LMF1: variants seen among roughly 807,000 people sequenced by gnomAD.
LMF1 encodes the protein transmembrane protein 112.
A neutral mutation model predicts 60.6 loss-of-function variants in LMF1; 68 were observed. That is an observed-to-expected ratio of 1.12 (90% CI 0.92 to 1.37). The LOEUF is 1.37. Among genes scored for constraint, LMF1 ranks in the 40% most tolerant of loss-of-function variants. The pLI is 0.00. For missense variants in LMF1, 948 were observed against 767.2 expected (o/e 1.24, Z -2.78); for synonymous variants, 418 against 324.7 (o/e 1.29, Z -3.09).
intron 6 of LMF1, 67 bp from the exon 7 acceptor site, chr16:871,408 C>T: frequency 6.5e-7 from 1 of 1,528,088 alleles, no homozygotes; most frequent in South Asian, 1.2e-5. Context: ...GCTGGCGCCT[C>T]TCTTCCTGGA....
intron 10 of LMF1, among the ~76,000 whole-genome samples, chr16:862,088 A>C (rs2151689449): frequency 6.6e-6 from 1 of 152,200 alleles, no homozygotes; most frequent in South Asian, 2.1e-4. Context: ...CTGATTCTCA[A>C]ATACGGAACC....
At chr16:915,027 G>A (rs1039462916) in intron 3 of LMF1, among the ~76,000 whole-genome samples, 27 of 152,376 alleles carry the variant, frequency 1.8e-4, no homozygotes, top group African/African-American at 6.5e-4. Flanking sequence ...GGCCCAGGAG[G>A]GGCATCCCCC....
chr16:884,045 T>TATTG (rs1422390469), intron 5 of LMF1: 4 of 152,264 alleles, frequency 2.6e-5, no homozygotes, highest in African/African-American at 9.6e-5. Context: ...TTTGAAGCTC[T>TATTG]ATTATCAGGC....
chr16:927,963 G>A (rs1465359476), intron 3 of LMF1, among the ~76,000 whole-genome samples: 1 of 152,176 alleles, frequency 6.6e-6, no homozygotes, highest in East Asian at 1.9e-4. Context: ...GAGAGGTGGG[G>A]AAGTTTCCCG....
In LMF1 at chr16:962,402, G is replaced by A. The variant is rs1283486413; in HGVS notation, c.194-7736C>T. 1.3e-5 allele frequency among the ~76,000 whole-genome samples: 2 copies of A among 152,228 alleles called. No homozygotes were observed. Among genetic ancestry groups the A allele is most frequent in the East Asian group, 1.9e-4 (1 of 5,192 alleles). ...TCCGCAGACACTCCCTTCAGGAGGC[G>A]GGGGCTGGACCCAGTGAGCGGCTTC... is the stretch of plus-strand genomic sequence containing the variant. On this transcript the variant is annotated intron_variant, in intron 1 of 10. Coordinates refer to ENST00000262301, the MANE Select transcript of LMF1 (RefSeq NM_022773.4). The surrounding 1 kb of genome is among the most constrained non-coding windows in gnomAD (Gnocchi z 4.5).
At chr16:944,585 C>T (rs529791107) in intron 2 of LMF1, among the ~76,000 whole-genome samples, 49 of 152,342 alleles carry the variant, frequency 3.2e-4, no homozygotes, top group African/African-American at 1.0e-3. Context: ...GGCACCTGTG[C>T]CCTCTGGTAT....
At chr16:947,153 C>G (rs2072256973) in intron 2 of LMF1, among the ~76,000 whole-genome samples, 1 of 152,250 alleles carries the variant, frequency 6.6e-6, no homozygotes, top group South Asian at 2.1e-4. Flanking sequence ...CCAGGGTGGG[C>G]TCTCTGAGTG....
chr16:953,307 A>G (rs74214544), intron 2 of LMF1, among the ~76,000 whole-genome samples: 16 of 31,192 alleles, frequency 5.1e-4, no homozygotes, highest in African/African-American at 8.0e-4. Context: ...CCAGCCTCCT[A>G]CACGTCCACA....
At chr16:915,820 C>T (rs1203012922) in intron 3 of LMF1, among the ~76,000 whole-genome samples, 2 of 151,970 alleles carry the variant, frequency 1.3e-5, no homozygotes, top group East Asian at 1.9e-4. Context: ...GCACCATCAC[C>T]GGGGGCCGGA....
intron 3 of LMF1, among the ~76,000 whole-genome samples, chr16:929,798 C>T (rs997308720): frequency 6.6e-6 from 1 of 152,386 alleles, no homozygotes; most frequent in South Asian, 2.1e-4. Context: ...TCCTGGAAAG[C>T]GCGGCCCTGA....
At chr16:971,479 A>C (rs2151499633), upstream of LMF1, among the ~76,000 whole-genome samples, 1 of 152,344 alleles carries the variant, frequency 6.6e-6, no homozygotes, top group African/African-American at 2.4e-5. Context: ...CAAGGGACAG[A>C]GTAGGCAGGG....
intron 10 of LMF1, among the ~76,000 whole-genome samples, chr16:865,975 T>C (rs1042217598): frequency 6.6e-6 from 1 of 152,262 alleles, no homozygotes; most frequent in Non-Finnish European, 1.5e-5. Context: ...TTTCATTTGG[T>C]TCTTTAAAAA....
intron 1 of LMF1, chr16:964,116 G>A (rs1300098237): frequency 2.6e-5 from 12 of 455,866 alleles, no homozygotes; most frequent in Non-Finnish European, 4.4e-5. Flanking sequence ...AGGCATGGCC[G>A]ATAAATACTT....
intron 6 of LMF1, chr16:872,176 C>T (rs1362727153): frequency 2.6e-5 from 4 of 152,192 alleles, no homozygotes; most frequent in Non-Finnish European, 5.9e-5. Context: ...TGGCCGGTCG[C>T]CCTGCATGGG....
chr16:938,717 G>GGACA (rs2072011567), intron 2 of LMF1, among the ~76,000 whole-genome samples: 1 of 152,100 alleles, frequency 6.6e-6, no homozygotes, highest in Non-Finnish European at 1.5e-5. Flanking sequence ...TGGCTCCCAC[G>GGACA]GACAGATGGA....
chr16:872,369 A>C (rs1034723155), intron 6 of LMF1: 1 of 152,246 alleles, frequency 6.6e-6, no homozygotes, highest in Non-Finnish European at 1.5e-5. Context: ...CAGCCACATC[A>C]GTGTTATGGG....
At chr16:978,149 T>TACACAC (rs144909608) in intron 1 of LMF1, among the ~76,000 whole-genome samples, 2 of 124,196 alleles carry the variant, frequency 1.6e-5, no homozygotes, top group African/African-American at 6.2e-5. Context: ...ACATACATCA[T>TACACAC]ACACACACAC....
chr16:873,564 C>A (rs928859466), intron 6 of LMF1: 2 of 151,082 alleles, frequency 1.3e-5, no homozygotes, highest in East Asian at 3.9e-4. Context: ...CTTGTGGGGA[C>A]CCTCTGCCGA....
chr16:874,529 G>A lies in LMF1; in HGVS notation c.898-3188C>T, dbSNP rs953862538. 3.9e-5 allele frequency among the ~76,000 whole-genome samples: 6 copies of A among 152,192 alleles called. No homozygotes were observed. The highest frequency in any genetic ancestry group is 4.4e-5 in the Non-Finnish European group (3 of 68,012). On this transcript the variant is annotated intron_variant, in intron 6 of 10. Transcript: ENST00000262301. This position sits in a 1 kb window ranked among gnomAD's most constrained non-coding sequence, Gnocchi z 4.1. ...TGCTGGCTGGGCGGCCGGGCTCTGC[G>A]GTCACTGCTCTTGTGCACCTCTCCA...
Sources: allele counts gnomAD v4.1 joint callset (sites outside exome capture counted in the v4.1 genomes callset), GRCh38; gene constraint gnomAD v4.1.1; non-coding constraint Gnocchi (gnomAD v3.1); transcripts MANE v1.5; gene names NCBI Gene and HGNC (gene_info 2026-07-23, HGNC 2026-07-21).